Variants in CCSER2 observed in about 807,000 individuals in gnomAD.
CCSER2 encodes coiled-coil serine rich protein 2, also known as serine-rich coiled-coil domain-containing protein 2.
CCSER2 carries 46 observed loss-of-function variants against 92.3 expected under a neutral mutation model. The observed-to-expected ratio is 0.50, with a 90% CI of 0.39 to 0.64. The LOEUF is 0.64. CCSER2 is among the 30% of genes least tolerant of loss of function. CCSER2 has a pLI of 0.00. For missense variants in CCSER2, 1,244 were observed against 1,238.9 expected, an observed-to-expected ratio of 1.00 and a Z score of -0.06; for synonymous variants, 433 against 431.4, an observed-to-expected ratio of 1.00 and a Z score of -0.04.
At position 84,387,417 on chromosome 10, in the gene CCSER2, A is replaced by T. The variant is rs1841276725; in HGVS notation, c.1614+13602A>T. Reference sequence around the variant, plus strand: ...AAATGGCTCTTTCCCGTTAGAATTAATTACTCCTTTCTTCGTACGTCTAAT... The same window carrying T: ...AAATGGCTCTTTCCCGTTAGAATTATTTACTCCTTTCTTCGTACGTCTAAT... On this transcript the variant is annotated intron_variant, in intron 3 of 9. Coordinates refer to ENST00000372088, the MANE Select transcript of CCSER2 (RefSeq NM_001284240.2). Among the ~76,000 whole-genome samples, 3 of 152,178 alleles carry T rather than the reference A, an allele frequency of 2.0e-5. No homozygotes were observed. In the South Asian group the frequency reaches 6.2e-4, roughly 32 times the overall value.
At chr10:84,385,714 C>G (rs1252973831) in intron 3 of CCSER2, among the ~76,000 whole-genome samples, 2 of 151,954 alleles carry the variant, frequency 1.3e-5, no homozygotes, top group Non-Finnish European at 2.9e-5. Context: ...TGAGTAAGAC[C>G]TCAAAAGTAA....
At chr10:84,448,240 T>G (rs1027414958) in intron 6 of CCSER2, among the ~76,000 whole-genome samples, 2 of 152,170 alleles carry the variant, frequency 1.3e-5, no homozygotes, top group African/African-American at 4.8e-5. Flanking sequence ...TGGCAGTCTT[T>G]GCCAGGCCAT....
intron 6 of CCSER2, among the ~76,000 whole-genome samples, chr10:84,454,029 A>AC (rs1564680352): frequency 1.3e-5 from 2 of 152,104 alleles, no homozygotes; most frequent in Admixed American, 6.6e-5. Flanking sequence ...AGATTACCAC[A>AC]CCTTGGAGGC....
intron 6 of CCSER2, among the ~76,000 whole-genome samples, chr10:84,458,430 T>C (rs996770586): frequency 4.6e-5 from 7 of 152,226 alleles, no homozygotes; most frequent in Non-Finnish European, 8.8e-5. Flanking sequence ...TTTCTCTTGA[T>C]TACTGGAGCT....
At chr10:84,433,476 T>G (rs912688782) in intron 5 of CCSER2, among the ~76,000 whole-genome samples, 1 of 151,932 alleles carries the variant, frequency 6.6e-6, no homozygotes, top group African/African-American at 2.4e-5. Context: ...CACACAGATA[T>G]ACAAACATCT....
At chr10:84,423,230 T>G (rs1199618872) in intron 4 of CCSER2, among the ~76,000 whole-genome samples, 1 of 152,218 alleles carries the variant, frequency 6.6e-6, no homozygotes, top group Admixed American at 6.5e-5. Flanking sequence ...TTTAAAAATA[T>G]ATAAACACGT....
chr10:84,465,702 T>G (rs1043697795), intron 7 of CCSER2, among the ~76,000 whole-genome samples: 2 of 151,650 alleles, frequency 1.3e-5, no homozygotes, highest in African/African-American at 4.9e-5. Context: ...TTTCCAGTGT[T>G]CCTTTCTAGT....
Position 84,371,285 on chromosome 10 carries a change from G to A in CCSER2, c.233G>A (p.Gly78Asp). 1.2e-6 allele frequency: 2 copies of A among 1,613,454 alleles called. No homozygotes were observed. The highest frequency in any genetic ancestry group is 1.7e-6 in the Non-Finnish European group (2 of 1,179,684). The stretch of plus-strand genomic sequence containing the variant: ...AATAAATATCAGCTTTGTGCACAAG[G>A]TGTCGAAGAGCCTAACAATACTCAA... ...KANKYQLCAQ[G>D]VEEPNNTQNS... The change falls in exon 2 of 10, where the codon GGT becomes GAT. Residue 78 changes from glycine to aspartate, a missense_variant. Transcript: ENST00000372088.
intron 6 of CCSER2, among the ~76,000 whole-genome samples, chr10:84,441,785 G>C (rs1273711726): frequency 9.5e-6 from 1 of 105,528 alleles, no homozygotes; most frequent in African/African-American, 3.8e-5. Flanking sequence ...TTGAGACGAA[G>C]TCTCGCTGTC....
intron 3 of CCSER2, chr10:84,389,228 C>T: frequency 2.2e-6 from 1 of 452,412 alleles, no homozygotes; most frequent in Non-Finnish European, 4.3e-6. Context: ...AGGGTGGCGG[C>T]CATCAGCATT....
At chr10:84,465,008 C>T (rs2133677823) in intron 7 of CCSER2, among the ~76,000 whole-genome samples, 1 of 152,240 alleles carries the variant, frequency 6.6e-6, no homozygotes, top group East Asian at 1.9e-4. Context: ...CTCATCTTGG[C>T]TTTTCAACTT....
At chr10:84,450,892 CTGAG>C (rs1340781445) in intron 6 of CCSER2, among the ~76,000 whole-genome samples, 3 of 152,100 alleles carry the variant, frequency 2.0e-5, no homozygotes, top group African/African-American at 7.2e-5. Flanking sequence ...AAGATACAAT[CTGAG>C]TGTATAATAA....
chr10:84,366,789 T>C (rs775915021), intron 1 of CCSER2, among the ~76,000 whole-genome samples: 9 of 152,160 alleles, frequency 5.9e-5, no homozygotes, highest in Non-Finnish European at 8.8e-5. Context: ...TCACAGATGG[T>C]TTTTAATCAG....
chr10:84,329,083 G>C (rs1843414360), intron 1 of CCSER2, among the ~76,000 whole-genome samples: 1 of 152,084 alleles, frequency 6.6e-6, no homozygotes, highest in Non-Finnish European at 1.5e-5. Flanking sequence ...CGCCTTTCAG[G>C]AGAAATCAGG....
At chr10:84,335,987 G>A (rs1843815684) in intron 1 of CCSER2, among the ~76,000 whole-genome samples, 1 of 152,146 alleles carries the variant, frequency 6.6e-6, no homozygotes, top group Non-Finnish European at 1.5e-5. Flanking sequence ...GGGAGGCAGG[G>A]ATGGCCATCT....
intron 1 of CCSER2, among the ~76,000 whole-genome samples, chr10:84,343,905 G>C (rs10509493): frequency 0.058 from 8,864 of 152,256 alleles, 368 homozygotes; most frequent in Admixed American, 0.1. Flanking sequence ...TTGAGTATTA[G>C]TGTGTGGAAT....
intron 6 of CCSER2, among the ~76,000 whole-genome samples, chr10:84,453,835 GTTTATC>G (rs1845440326): frequency 6.6e-6 from 1 of 152,012 alleles, no homozygotes; most frequent in Non-Finnish European, 1.5e-5. Flanking sequence ...AGAATTCTTT[GTTTATC>G]TTTATTAATA....
Position 84,417,827 on chromosome 10 carries a change from T to G in CCSER2, c.1671T>G (p.Asp557Glu). ...TTGAGGATGATGATCTTATGCTTGA[T>G]GTGGATCTGCCTGAGGATGCACCTC... ...CDLEDDDLMLDVDLPEDAPLE... is the reference protein window; with the variant it reads ...CDLEDDDLMLEVDLPEDAPLE... The change falls in exon 4 of 10, where the codon GAT (aspartate) becomes GAG (glutamate). Residue 557 changes from aspartate (D) to glutamate (E), a missense_variant. By Grantham distance (45) the Asp-to-Glu change is conservative (BLOSUM62 2). Coordinates refer to ENST00000372088, the MANE Select transcript of CCSER2 (RefSeq NM_001284240.2). 7 of 1,595,336 alleles carry G rather than the reference T, an allele frequency of 4.4e-6. No homozygotes were observed. Among genetic ancestry groups the G allele is most frequent in the Non-Finnish European group, 6.0e-6 (7 of 1,163,080 alleles).
chr10:84,368,797 C>G (rs1845915571), intron 1 of CCSER2, among the ~76,000 whole-genome samples: 1 of 152,094 alleles, frequency 6.6e-6, no homozygotes, highest in African/African-American at 2.4e-5. Context: ...ACATTGTACC[C>G]TACTACATTG....
Sources: allele counts gnomAD v4.1 joint callset (sites outside exome capture counted in the v4.1 genomes callset), GRCh38; gene constraint gnomAD v4.1.1; transcripts MANE v1.5; gene names NCBI Gene and HGNC (gene_info 2026-07-23, HGNC 2026-07-21).